Variants in RAMP1 observed in about 807,000 individuals in gnomAD.
RAMP1 encodes the protein receptor activity modifying protein 1, also known as receptor activity-modifying protein 1.
A neutral mutation model predicts 8.2 loss-of-function variants in RAMP1; 7 were observed. The ratio of observed to expected loss-of-function variants is 0.85; its 90% CI spans 0.49 to 1.60. The LOEUF is 1.60. RAMP1 is among the 40% of genes most tolerant of loss of function. The probability of loss-of-function intolerance (pLI) is 0.00; values close to 1 mark genes in which losing one functional copy is unlikely to be tolerated. For synonymous variants in RAMP1, 92 were observed against 84.7 expected (o/e 1.09, Z -0.47); for missense variants, 192 against 202.4 (o/e 0.95, Z 0.31).
At position 237,878,731 on chromosome 2, in the gene RAMP1, G is replaced by A. The variant is rs1175205665; in HGVS notation, c.191+1369G>A. 6.6e-6 allele frequency among the ~76,000 whole-genome samples: 1 copy of A among 152,250 alleles called. No homozygotes were observed. The highest frequency in any genetic ancestry group is 2.4e-5 in the African/African-American group (1 of 41,462). On this transcript the variant is annotated intron_variant, in intron 2 of 2. Coordinates refer to ENST00000254661, the MANE Select transcript of RAMP1 (RefSeq NM_005855.4). This position sits in a 1 kb window ranked among gnomAD's most constrained non-coding sequence, Gnocchi z 5.7. The stretch of plus-strand genomic sequence containing the variant: ...TCCGTGCTCAGTGCACTGTTGTTGA[G>A]GCGACTCTGTACCTTGGGAGCCCAA...
In RAMP1 at chr2:237,877,459, T is replaced by G; in HGVS notation, c.191+97T>G. 12 of 1,483,636 alleles carry G rather than the reference T, an allele frequency of 8.1e-6. No individual in the cohort carries two copies. Among genetic ancestry groups the G allele is most frequent in the Non-Finnish European group, 9.9e-6 (11 of 1,108,744 alleles). 91.9% of individuals were successfully genotyped at this position (1,483,636 alleles called of 1,614,324 possible). A position where few individuals can be genotyped will look rare whatever the true frequency, so the allele number is the denominator to read the frequency against. ...CCACGTGGGAGCTGTGGAAGATCCT[T>G]TCTAGACCCCGGAAGGGTTCTTCCC... On this transcript the variant is annotated intron_variant, in intron 2 of 2. Coordinates refer to ENST00000254661, the MANE Select transcript of RAMP1 (RefSeq NM_005855.4). This position sits in a 1 kb window ranked among gnomAD's most constrained non-coding sequence, Gnocchi z 4.4.
intron 2 of RAMP1, among the ~76,000 whole-genome samples, chr2:237,883,859 T>C (rs2151012475): frequency 1.5e-5 from 2 of 133,900 alleles, no homozygotes; most frequent in Admixed American, 7.4e-5. Context: ...AAAAAGAGGC[T>C]CCTCCTCTGC....
intron 1 of RAMP1, chr2:237,869,789 C>G (rs2062226662): frequency 2.0e-5 from 3 of 152,216 alleles, no homozygotes. Context: ...GGCATATACC[C>G]CGGATCATTA....
intron 1 of RAMP1, among the ~76,000 whole-genome samples, chr2:237,864,789 C>A (rs1032865806): frequency 1.3e-5 from 2 of 152,242 alleles, no homozygotes; most frequent in Non-Finnish European, 2.9e-5. Flanking sequence ...TACTTAAATG[C>A]AGCAGGAAAT....
At chr2:237,896,865 T>G (rs2062547608) in intron 2 of RAMP1, among the ~76,000 whole-genome samples, 1 of 152,102 alleles carries the variant, frequency 6.6e-6, no homozygotes, top group Non-Finnish European at 1.5e-5. Flanking sequence ...CCCAGACTGG[T>G]CTGGAACTCC....
At chr2:237,909,059 G>A (rs1202319653) in intron 2 of RAMP1, among the ~76,000 whole-genome samples, 3 of 152,156 alleles carry the variant, frequency 2.0e-5, no homozygotes, top group Non-Finnish European at 4.4e-5. Flanking sequence ...TGCCCTAGAG[G>A]CACTCAGGCT....
chr2:237,903,843 C>T (rs552529621), intron 2 of RAMP1, among the ~76,000 whole-genome samples: 4 of 152,192 alleles, frequency 2.6e-5, no homozygotes, highest in South Asian at 2.1e-4. Context: ...TACAGGCACC[C>T]GCCACCACGC....
intron 1 of RAMP1, among the ~76,000 whole-genome samples, chr2:237,864,895 A>C (rs931163004): frequency 4.0e-5 from 6 of 151,532 alleles, no homozygotes; most frequent in Non-Finnish European, 7.4e-5. Flanking sequence ...CTGCTTTGGA[A>C]GTTCCTGGAA....
At chr2:237,890,972 C>G (rs1039457962) in intron 2 of RAMP1, among the ~76,000 whole-genome samples, 2 of 152,138 alleles carry the variant, frequency 1.3e-5, no homozygotes, top group East Asian at 3.8e-4. Context: ...TCACTTCCCC[C>G]CTTTTCCCTT....
At chr2:237,904,751 C>T (rs945312310) in intron 2 of RAMP1, among the ~76,000 whole-genome samples, 1 of 152,290 alleles carries the variant, frequency 6.6e-6, no homozygotes, top group East Asian at 1.9e-4. Flanking sequence ...ACGTCATGAG[C>T]CAGTCAAGTG....
intron 2 of RAMP1, among the ~76,000 whole-genome samples, chr2:237,891,464 AACAG>A (rs2151016139): frequency 6.6e-6 from 1 of 152,240 alleles, no homozygotes; most frequent in East Asian, 1.9e-4. Flanking sequence ...GTATTTTCTT[AACAG>A]ACAGATATTG....
intron 2 of RAMP1, among the ~76,000 whole-genome samples, chr2:237,903,069 G>A (rs1014302327): frequency 6.6e-6 from 1 of 152,096 alleles, no homozygotes; most frequent in Non-Finnish European, 1.5e-5. Context: ...AGGTTGCCCA[G>A]GCTGGTCTTG....
At chr2:237,871,674 C>T (rs1469772) in intron 1 of RAMP1, among the ~76,000 whole-genome samples, 67,576 of 152,078 alleles carry the variant, frequency 0.44, 17,862 homozygotes, top group African/African-American at 0.75. Flanking sequence ...GTCCTGCCCC[C>T]GCCAGTAAAA....
Position 237,877,106 on chromosome 2 carries a change from G to C in RAMP1, c.53-118G>C. The C allele has an allele frequency of 7.7e-7, 1 of 1,300,260 alleles. No individual in the cohort carries two copies. Among genetic ancestry groups the C allele is most frequent in the East Asian group, 2.3e-5 (1 of 43,160 alleles). 80.5% of individuals were successfully genotyped at this position (1,300,260 alleles called of 1,614,324 possible). A position where few individuals can be genotyped will look rare whatever the true frequency, so the allele number is the denominator to read the frequency against. On this transcript the variant is annotated intron_variant, in intron 1 of 2. Coordinates refer to ENST00000254661, the MANE Select transcript of RAMP1 (RefSeq NM_005855.4). This position sits in a 1 kb window ranked among gnomAD's most constrained non-coding sequence, Gnocchi z 4.4. The stretch of plus-strand genomic sequence containing the variant: ...TTGGAGCCACAGTCGCCCTCTCCAG[G>C]GGTTGCTTAGAGGCCCCGTTCTCGT...
chr2:237,871,582 G>T (rs1304455765), intron 1 of RAMP1, among the ~76,000 whole-genome samples: 1 of 152,026 alleles, frequency 6.6e-6, no homozygotes, highest in African/African-American at 2.4e-5. Flanking sequence ...GGAGCTCTGG[G>T]TTCCTCCACC....
intron 2 of RAMP1, among the ~76,000 whole-genome samples, chr2:237,908,415 G>GGTGGTA (rs145297732): frequency 6.6e-5 from 10 of 151,474 alleles, no homozygotes; most frequent in East Asian, 5.9e-4. Context: ...GACCTCTGGT[G>GGTGGTA]GTGGTGGTGG....
At position 237,877,489 on chromosome 2, in the gene RAMP1, T is replaced by TGG; in HGVS notation, c.191+134_191+135dup. ...GACCCCGGAAGGGTTCTTCCCCCAGTGGGGGGGGCCGGGATGAAGACAGAG... is the reference window on the plus strand; with the variant it reads ...GACCCCGGAAGGGTTCTTCCCCCAGTGGGGGGGGGGCCGGGATGAAGACAGAG... On this transcript the variant is annotated intron_variant, in intron 2 of 2. Coordinates refer to ENST00000254661, the MANE Select transcript of RAMP1 (RefSeq NM_005855.4). This position sits in a 1 kb window ranked among gnomAD's most constrained non-coding sequence, Gnocchi z 4.4. 3.1e-6 allele frequency: 4 copies of TGG among 1,289,740 alleles called. No individual in the cohort carries two copies. Among genetic ancestry groups the TGG allele is most frequent in the Non-Finnish European group, 4.2e-6 (4 of 961,296 alleles). 79.9% of individuals were successfully genotyped at this position (1,289,740 alleles called of 1,614,324 possible).
At position 237,911,519 on chromosome 2, in the gene RAMP1, C is replaced by G; in HGVS notation, c.192-9C>G. ...CCCAGGGTCTTACCACCTCCTCTTC[C>G]ATCCGCAGGAGCTACAGGGAGCTGG... On this transcript the variant is annotated splice_polypyrimidine_tract_variant and intron_variant, in intron 2 of 2. Transcript: ENST00000254661. 1 of 1,613,608 alleles carries G rather than the reference C, an allele frequency of 6.2e-7. No individual in the cohort carries two copies. Among genetic ancestry groups the G allele is most frequent in the Non-Finnish European group, 8.5e-7 (1 of 1,179,678 alleles).
intron 1 of RAMP1, among the ~76,000 whole-genome samples, chr2:237,871,798 C>T (rs1175852386): frequency 6.6e-6 from 1 of 152,140 alleles, no homozygotes; most frequent in Non-Finnish European, 1.5e-5. Flanking sequence ...GAAGTCAAGG[C>T]TGCAGCGAGC....
Sources: allele counts gnomAD v4.1 joint callset (sites outside exome capture counted in the v4.1 genomes callset), GRCh38; gene constraint gnomAD v4.1.1; non-coding constraint Gnocchi (gnomAD v3.1); transcripts MANE v1.5; gene names NCBI Gene and HGNC (gene_info 2026-07-23, HGNC 2026-07-21).